TPX2: variants seen among roughly 807,000 people sequenced by gnomAD.
TPX2 encodes targeting protein for Xklp2.
Under a neutral mutation model 93.6 loss-of-function variants are expected in TPX2, and 21 were observed. The ratio of observed to expected loss-of-function variants is 0.22; its 90% CI spans 0.16 to 0.32. TPX2 has a LOEUF of 0.32. TPX2 is among the 10% of genes least tolerant of loss of function. The pLI is 1.00. For synonymous variants in TPX2, 281 were observed against 298.3 expected, an observed-to-expected ratio of 0.94 and a Z score of 0.60; for missense variants, 776 against 871.1, an observed-to-expected ratio of 0.89 and a Z score of 1.37.
chr20:31,778,875 A>G lies in TPX2; in HGVS notation c.945A>G (p.Arg315=), dbSNP rs1373361242. 3 of 1,612,464 alleles carry G rather than the reference A, an allele frequency of 1.9e-6. No homozygotes were observed. Among genetic ancestry groups the G allele is most frequent in the Non-Finnish European group, 2.5e-6 (3 of 1,179,622 alleles). ...KPFNLSQGKK[R]TFDETVSTYV... Reference sequence around the variant, plus strand: ...TCAACCTGTCCCAAGGAAAGAAAAGAACATTTGATGAAACAGTTTCTACAT... The same window carrying G: ...TCAACCTGTCCCAAGGAAAGAAAAGGACATTTGATGAAACAGTTTCTACAT... The change falls in exon 10 of 18, where the codon AGA becomes AGG. Residue 315 remains arginine, a synonymous_variant. Coordinates refer to ENST00000300403, the MANE Select transcript of TPX2 (RefSeq NM_012112.5).
chr20:31,754,427 ATGC>A (rs1214570638), intron 2 of TPX2, among the ~76,000 whole-genome samples: 2 of 152,174 alleles, frequency 1.3e-5, no homozygotes, highest in African/African-American at 4.8e-5. Flanking sequence ...AAGCTGTGAA[ATGC>A]TGGCCAAACC....
intron 15 of TPX2, 80 bp from the exon 16 acceptor site, chr20:31,797,324 G>A (rs1034408022): frequency 1.9e-5 from 24 of 1,264,082 alleles, no homozygotes; most frequent in Non-Finnish European, 2.6e-5. Flanking sequence ...AAGCAGTTCA[G>A]ACATTAGAAC....
intron 5 of TPX2, among the ~76,000 whole-genome samples, chr20:31,768,394 C>T (rs1047503089): frequency 6.9e-4 from 103 of 149,344 alleles, no homozygotes; most frequent in African/African-American, 2.3e-3. Flanking sequence ...CGCCACTACG[C>T]GCGGCTAATT....
chr20:31,798,207 T>C lies in TPX2; in HGVS notation c.1946-158T>C, dbSNP rs574940679. Among the ~76,000 whole-genome samples, 23 of 152,274 alleles carry C rather than the reference T, an allele frequency of 1.5e-4. No homozygotes were observed. The Middle Eastern group carries it at 0.014, about 90-fold the overall frequency. On this transcript the variant is annotated intron_variant, in intron 16 of 17. Coordinates refer to ENST00000300403, the MANE Select transcript of TPX2 (RefSeq NM_012112.5). ...TTTGAACTCTTAAAATTCTAAAACT[T>C]TTTGTATTTAGTTGGCTCTACCTTT... is the stretch of plus-strand genomic sequence containing the variant.
intron 4 of TPX2, 88 bp downstream of exon 4, chr20:31,760,267 G>T: frequency 1.3e-6 from 2 of 1,522,408 alleles, no homozygotes; most frequent in Non-Finnish European, 1.8e-6. Flanking sequence ...TTACCTAAAT[G>T]CTCTATCTCT....
At chr20:31,740,112 A>T (rs190617307) in intron 1 of TPX2, among the ~76,000 whole-genome samples, 1 of 152,290 alleles carries the variant, frequency 6.6e-6, no homozygotes, top group African/African-American at 2.4e-5. Context: ...GGGGGAAGGA[A>T]AACCAAACCA....
At chr20:31,783,592 C>A in intron 11 of TPX2, 113 bp from the exon 12 acceptor site, 1 of 1,031,336 alleles carries the variant, frequency 9.7e-7, no homozygotes, top group South Asian at 1.5e-5. Context: ...GTTGTCCAGT[C>A]AATGGGAGCA....
chr20:31,801,002 G>A lies in TPX2; in HGVS notation c.2166G>A (p.Gln722=). 4 of 1,614,188 alleles carry A rather than the reference G, an allele frequency of 2.5e-6. No homozygotes were observed. The highest frequency in any genetic ancestry group is 3.4e-6 in the Non-Finnish European group (4 of 1,180,022). The part of the protein sequence containing the change: ...VHKANPIRKY[Q]GLEIKSSDQP... ...AGGCAAATCCAATACGCAAGTACCA[G>A]GGTCTGGAGATAAAGTCAAGTGACC... Residue 722 remains glutamine (Q), a synonymous_variant, in exon 18 of 18, where the codon CAG becomes CAA. Coordinates refer to ENST00000300403, the MANE Select transcript of TPX2 (RefSeq NM_012112.5).
At chr20:31,760,272 A>G (rs1311664256) in intron 4 of TPX2, 93 bp downstream of exon 4, 6 of 1,506,590 alleles carry the variant, frequency 4.0e-6, no homozygotes, top group Middle Eastern at 1.9e-4. Context: ...TAAATGCTCT[A>G]TCTCTTTGTT....
chr20:31,752,695 C>G (rs1005691879), intron 2 of TPX2, among the ~76,000 whole-genome samples: 2 of 152,088 alleles, frequency 1.3e-5, no homozygotes, highest in Non-Finnish European at 2.9e-5. Flanking sequence ...TCACTGCAAG[C>G]TCTGCCTCCC....
chr20:31,759,297 C>G (rs2061872166), intron 3 of TPX2, among the ~76,000 whole-genome samples: 1 of 152,030 alleles, frequency 6.6e-6, no homozygotes, highest in Middle Eastern at 3.2e-3. Flanking sequence ...CCTCACACAC[C>G]CCTTATTCCT....
At chr20:31,775,364 A>C (rs1008783757) in intron 7 of TPX2, among the ~76,000 whole-genome samples, 2 of 149,214 alleles carry the variant, frequency 1.3e-5, no homozygotes, top group Non-Finnish European at 3.0e-5. Context: ...TAAAGTGTGC[A>C]TTTTCTTGTC....
At chr20:31,771,125 A>G (rs1600375389) in intron 6 of TPX2, among the ~76,000 whole-genome samples, 5 of 152,256 alleles carry the variant, frequency 3.3e-5, no homozygotes, top group Admixed American at 3.3e-4. Flanking sequence ...ATTCGCCTAG[A>G]CTTGTGTCAC....
At chr20:31,795,404 G>C (rs1039510879) in intron 15 of TPX2, among the ~76,000 whole-genome samples, 1 of 152,280 alleles carries the variant, frequency 6.6e-6, no homozygotes, top group African/African-American at 2.4e-5. Flanking sequence ...AAAGTGCTGG[G>C]ATTACAAGCA....
chr20:31,778,939 C>T lies in TPX2; in HGVS notation c.1009C>T (p.Arg337Ter), dbSNP rs776728395. The T allele has an allele frequency of 1.9e-6, 3 of 1,609,450 alleles. No homozygotes were observed. The highest frequency in any genetic ancestry group is 1.7e-6 in the Non-Finnish European group (2 of 1,178,952). The change falls in exon 10 of 18, where the codon CGA (arginine) becomes TGA (stop). Residue 337 changes from arginine to a stop codon, truncating the protein, a stop_gained. Transcript: ENST00000300403. LOFTEE classifies it high-confidence loss of function. Reference protein sequence around the residue: ...LAQQVEDFHKRTPNRYHLRSK... With the variant: ...LAQQVEDFHK ...ACAGCAAGTTGAAGACTTCCATAAA[C>T]GAACCCCTAACAGATATCATTTGAG...
intron 16 of TPX2, among the ~76,000 whole-genome samples, chr20:31,798,037 A>C (rs1165986757): frequency 6.6e-6 from 1 of 152,096 alleles, no homozygotes; most frequent in Non-Finnish European, 1.5e-5. Flanking sequence ...TCTCTTTTTC[A>C]AAAAAATCTT....
intron 10 of TPX2, among the ~76,000 whole-genome samples, chr20:31,779,493 T>C (rs2062020543): frequency 6.6e-6 from 1 of 152,234 alleles, no homozygotes; most frequent in Non-Finnish European, 1.5e-5. Flanking sequence ...TCAAAAGCCT[T>C]TACCATAATT....
intron 13 of TPX2, among the ~76,000 whole-genome samples, 172 bp from the exon 14 acceptor site, chr20:31,793,676 G>A (rs2062116890): frequency 6.6e-6 from 1 of 152,162 alleles, no homozygotes; most frequent in Non-Finnish European, 1.5e-5. Context: ...GCCCTTGGTG[G>A]TAGATGACTT....
At chr20:31,779,088 A>G (rs1327091834) in intron 10 of TPX2, 104 bp downstream of exon 10, 9 of 1,294,432 alleles carry the variant, frequency 7.0e-6, no homozygotes, top group African/African-American at 6.0e-5. Context: ...TAGTTTTTCA[A>G]TTAAAGTATG....
Sources: allele counts gnomAD v4.1 joint callset (sites outside exome capture counted in the v4.1 genomes callset), GRCh38; gene constraint gnomAD v4.1.1; transcripts MANE v1.5; gene names NCBI Gene and HGNC (gene_info 2026-07-23, HGNC 2026-07-21).